ANKS1B: variants seen among roughly 807,000 people sequenced by gnomAD.
The protein encoded by ANKS1B is ankyrin repeat and sterile alpha motif domain-containing protein 1B.
A neutral mutation model predicts 148.3 loss-of-function variants in ANKS1B; 36 were observed. That is an observed-to-expected ratio of 0.24 (90% CI 0.19 to 0.32). ANKS1B has a LOEUF of 0.32. Ranked by LOEUF, ANKS1B falls within the 10% of genes least tolerant of loss-of-function variation. The pLI is 1.00. For missense variants in ANKS1B, 1,157 were observed against 1,542.6 expected (o/e 0.75, Z 4.19); for synonymous variants, 542 against 560.8 (o/e 0.97, Z 0.47).
At chr12:98,757,075 A>G (rs368120629) in intron 25 of ANKS1B, among the ~76,000 whole-genome samples, 11 of 151,976 alleles carry the variant, frequency 7.2e-5, no homozygotes, top group Admixed American at 1.3e-4. Context: ...AGTTCTTGCT[A>G]TCCTGAGATC....
chr12:99,501,439 T>C (rs1412758558), intron 10 of ANKS1B, among the ~76,000 whole-genome samples: 1 of 152,152 alleles, frequency 6.6e-6, no homozygotes, highest in African/African-American at 2.4e-5. Context: ...ATGCATGAAC[T>C]GACATTTTTT....
chr12:99,489,907 A>C (rs79331395), intron 10 of ANKS1B, among the ~76,000 whole-genome samples: 5,992 of 152,292 alleles, frequency 0.039, 167 homozygotes, highest in South Asian at 0.084. Context: ...TTAAATGGCA[A>C]CTGCAGTTTT....
intron 1 of ANKS1B, among the ~76,000 whole-genome samples, chr12:99,902,239 T>C (rs80186924): frequency 0.01 from 1,542 of 152,012 alleles, 22 homozygotes; most frequent in African/African-American, 0.035. Flanking sequence ...AAAGAAAGAA[T>C]AAGCCAACCA....
At chr12:99,963,158 T>G (rs937191369) in intron 1 of ANKS1B, among the ~76,000 whole-genome samples, 1 of 152,234 alleles carries the variant, frequency 6.6e-6, no homozygotes, top group African/African-American at 2.4e-5. Flanking sequence ...AAATGTCTTC[T>G]TTTGAGAAGC....
intron 8 of ANKS1B, among the ~76,000 whole-genome samples, chr12:99,771,430 A>G (rs1213041698): frequency 1.3e-5 from 2 of 152,118 alleles, no homozygotes; most frequent in African/African-American, 4.8e-5. Context: ...AGAAGCTGCC[A>G]GTTTACATAA....
At chr12:98,986,940 T>A (rs1196702054) in intron 17 of ANKS1B, among the ~76,000 whole-genome samples, 3 of 152,072 alleles carry the variant, frequency 2.0e-5, no homozygotes, top group Non-Finnish European at 4.4e-5. Context: ...ACTAGAGTCA[T>A]AGTTATTTTG....
intron 12 of ANKS1B, among the ~76,000 whole-genome samples, chr12:99,298,011 C>A (rs1443961106): frequency 6.6e-6 from 1 of 151,888 alleles, no homozygotes; most frequent in Non-Finnish European, 1.5e-5. Flanking sequence ...TGCACTAAGG[C>A]ATTAGACAGA....
chr12:99,726,288 A>C (rs138414190), intron 8 of ANKS1B, among the ~76,000 whole-genome samples: 2,220 of 152,260 alleles, frequency 0.015, 54 homozygotes, highest in East Asian at 0.071. Flanking sequence ...ACAATAAAAA[A>C]CGATAAAGGG....
intron 1 of ANKS1B, among the ~76,000 whole-genome samples, chr12:99,858,288 C>T (rs2089497974): frequency 6.6e-6 from 1 of 152,110 alleles, no homozygotes; most frequent in Non-Finnish European, 1.5e-5. Flanking sequence ...CAAAAAAATG[C>T]TCAACATCAC....
intron 15 of ANKS1B, among the ~76,000 whole-genome samples, chr12:99,118,103 G>C (rs2061839825): frequency 1.3e-5 from 2 of 152,162 alleles, no homozygotes; most frequent in African/African-American, 2.4e-5. Flanking sequence ...TAAAGTAGCA[G>C]GATAGAACAA....
At chr12:99,639,948 GACT>G (rs1002859856) in intron 9 of ANKS1B, among the ~76,000 whole-genome samples, 1 of 152,136 alleles carries the variant, frequency 6.6e-6, no homozygotes, top group Non-Finnish European at 1.5e-5. Context: ...AAGGTGGGCG[GACT>G]ACCTGAGGTC....
chr12:98,987,948 A>AT (rs1471405690), intron 17 of ANKS1B, among the ~76,000 whole-genome samples: 1 of 152,018 alleles, frequency 6.6e-6, no homozygotes, highest in East Asian at 1.9e-4. Context: ...CCAGCAAATG[A>AT]TTTTTTCCTA....
At chr12:99,079,040 G>A (rs1248038527) in intron 16 of ANKS1B, among the ~76,000 whole-genome samples, 1 of 152,134 alleles carries the variant, frequency 6.6e-6, no homozygotes, top group Non-Finnish European at 1.5e-5. Flanking sequence ...AGGCACTGAG[G>A]CCTCAGTCCG....
rs115366939 is a variant in ANKS1B, at chr12:99,848,627, C to T, written c.135-23238G>A. ...AAGTGAGGCACTTCTTATTAAATGA[C>T]GCTGAGTCAATTTCATATCTATATA... On this transcript the variant is annotated intron_variant, in intron 1 of 26. Coordinates refer to ENST00000683438, the MANE Select transcript of ANKS1B (RefSeq NM_001352186.2). Among the ~76,000 whole-genome samples, 1,213 of 152,180 alleles carry T rather than the reference C, an allele frequency of 8.0e-3. 14 individuals carry two copies. Among genetic ancestry groups the T allele is most frequent in the African/African-American group, 0.028 (1,143 of 41,524 alleles).
At chr12:99,171,933 G>A (rs576074336) in intron 14 of ANKS1B, among the ~76,000 whole-genome samples, 59 of 152,224 alleles carry the variant, frequency 3.9e-4, no homozygotes, top group Admixed American at 1.5e-3. Flanking sequence ...TAGTGAGGAG[G>A]AAATTACCAT....
chr12:99,327,596 C>T (rs1050962389), intron 12 of ANKS1B, among the ~76,000 whole-genome samples: 1 of 148,234 alleles, frequency 6.7e-6, no homozygotes, highest in African/African-American at 2.5e-5. Flanking sequence ...TTAAGCAACG[C>T]ATGACTCTGT....
chr12:99,394,098 C>G (rs1002160586), intron 12 of ANKS1B, among the ~76,000 whole-genome samples: 1 of 152,204 alleles, frequency 6.6e-6, no homozygotes, highest in Non-Finnish European at 1.5e-5. Context: ...CATATACCTC[C>G]TTTGTCCACT....
At chr12:98,852,963 T>C (rs1266396744) in intron 17 of ANKS1B, among the ~76,000 whole-genome samples, 1 of 152,148 alleles carries the variant, frequency 6.6e-6, no homozygotes, top group Admixed American at 6.5e-5. Flanking sequence ...GAGAAATCTT[T>C]TGAAAAATAT....
chr12:99,522,749 G>A (rs1240793445), intron 9 of ANKS1B, among the ~76,000 whole-genome samples: 1 of 152,184 alleles, frequency 6.6e-6, no homozygotes, highest in Non-Finnish European at 1.5e-5. Context: ...AGAAATTAAT[G>A]TGACATTAGC....
Sources: gnomAD v4.1 joint callset for allele counts (sites outside exome capture counted in the v4.1 genomes callset) on GRCh38, gnomAD v4.1.1 for gene constraint, MANE v1.5 for transcripts, NCBI Gene and HGNC (gene_info 2026-07-23, HGNC 2026-07-21) for gene names.